Variants in ZNF385D observed in about 807,000 individuals in gnomAD.
The protein encoded by ZNF385D is zinc finger protein 385D.
ZNF385D carries 15 observed loss-of-function variants against 35.8 expected under a neutral mutation model. That is an observed-to-expected ratio of 0.42 (90% CI 0.28 to 0.64). ZNF385D has a LOEUF of 0.64. Ranked by LOEUF, ZNF385D falls within the 30% of genes least tolerant of loss-of-function variation. The pLI is 0.23. For missense variants in ZNF385D, 474 were observed against 494.6 expected (o/e 0.96, Z 0.39); for synonymous variants, 212 against 186.8 (o/e 1.13, Z -1.10).
At chr3:21,918,502 G>A (rs183740638) in intron 3 of ZNF385D, among the ~76,000 whole-genome samples, 1 of 152,060 alleles carries the variant, frequency 6.6e-6, no homozygotes, top group Non-Finnish European at 1.5e-5. Flanking sequence ...TGGTTCACCT[G>A]AATGATATAT....
chr3:21,649,102 T>G (rs1378310042), intron 2 of ZNF385D, among the ~76,000 whole-genome samples: 2 of 152,178 alleles, frequency 1.3e-5, no homozygotes, highest in Non-Finnish European at 2.9e-5. Context: ...CATTGTCAGC[T>G]TTACCTGTGG....
intron 2 of ZNF385D, among the ~76,000 whole-genome samples, chr3:21,659,381 T>A (rs2066167863): frequency 6.6e-6 from 1 of 152,128 alleles, no homozygotes; most frequent in Non-Finnish European, 1.5e-5. Flanking sequence ...ATCTATGTGT[T>A]TTCCTCAGCA....
intron 4 of ZNF385D, among the ~76,000 whole-genome samples, chr3:21,438,228 C>CT (rs766566387): frequency 6.6e-6 from 1 of 152,128 alleles, no homozygotes; most frequent in Non-Finnish European, 1.5e-5. Flanking sequence ...CCATATACTA[C>CT]TTTTTTGCCT....
At chr3:21,764,414 A>G (rs1192628521) in intron 3 of ZNF385D, among the ~76,000 whole-genome samples, 1 of 152,198 alleles carries the variant, frequency 6.6e-6, no homozygotes, top group African/African-American at 2.4e-5. Context: ...ACTAATAAGC[A>G]TCCAGTGGAA....
chr3:22,319,739 A>G (rs1694310573), intron 2 of ZNF385D, among the ~76,000 whole-genome samples: 1 of 152,186 alleles, frequency 6.6e-6, no homozygotes, highest in South Asian at 2.1e-4. Flanking sequence ...TCTACTTCAG[A>G]AAAACACTGG....
intron 1 of ZNF385D, among the ~76,000 whole-genome samples, chr3:21,719,409 A>G (rs1051731720): frequency 6.6e-6 from 1 of 152,254 alleles, no homozygotes; most frequent in Admixed American, 6.5e-5. Flanking sequence ...AGCCAACACA[A>G]TAAGCCTCAG....
intron 3 of ZNF385D, among the ~76,000 whole-genome samples, chr3:22,094,265 C>G (rs812397): frequency 0.28 from 41,534 of 149,664 alleles, 5,794 homozygotes; most frequent in South Asian, 0.37. Flanking sequence ...GTGAGTTCCT[C>G]AATACATGTA....
At chr3:22,348,538 C>CCTG (rs1695767069) in intron 2 of ZNF385D, among the ~76,000 whole-genome samples, 1 of 150,120 alleles carries the variant, frequency 6.7e-6, no homozygotes. Context: ...GTGGTGCATG[C>CCTG]CTGTAATCCC....
At chr3:21,861,176 T>G (rs1238046687) in intron 3 of ZNF385D, among the ~76,000 whole-genome samples, 1 of 152,156 alleles carries the variant, frequency 6.6e-6, no homozygotes, top group East Asian at 1.9e-4. Flanking sequence ...TCAGCTTTGG[T>G]GTATCTGGGA....
chr3:22,098,724 C>T (rs978159020), intron 3 of ZNF385D, among the ~76,000 whole-genome samples: 1 of 151,962 alleles, frequency 6.6e-6, no homozygotes, highest in Admixed American at 6.6e-5. Flanking sequence ...GAAAAATTCT[C>T]AACCTCCTTA....
intron 3 of ZNF385D, among the ~76,000 whole-genome samples, chr3:22,126,736 T>C (rs1248199239): frequency 6.6e-6 from 1 of 152,150 alleles, no homozygotes; most frequent in Non-Finnish European, 1.5e-5. Flanking sequence ...TATCTCTTTG[T>C]TGATTTTCTG....
At chr3:21,922,398 G>A (rs2125225363) in intron 3 of ZNF385D, among the ~76,000 whole-genome samples, 1 of 152,212 alleles carries the variant, frequency 6.6e-6, no homozygotes, top group African/African-American at 2.4e-5. Flanking sequence ...ATACTATAAA[G>A]CTACAACAAC....
chr3:21,830,450 A>C (rs1231844141), intron 3 of ZNF385D, among the ~76,000 whole-genome samples: 1 of 152,208 alleles, frequency 6.6e-6, no homozygotes, highest in Admixed American at 6.5e-5. Flanking sequence ...AACTCCTGCA[A>C]CCATCTTATT....
chr3:21,589,569 C>G (rs1017686181), intron 2 of ZNF385D, among the ~76,000 whole-genome samples: 1 of 152,030 alleles, frequency 6.6e-6, no homozygotes, highest in African/African-American at 2.4e-5. Flanking sequence ...AAACTAAGGA[C>G]ATTTGTTCAT....
chr3:22,023,837 G>A lies in ZNF385D; in HGVS notation c.325+144980C>T, dbSNP rs556085104. Reference sequence around the variant, plus strand: ...GGAAGAGTGCCCTGTACCTGGTACAGGGCTGTAGGATGAGGCAATGATGTT... The same window carrying A: ...GGAAGAGTGCCCTGTACCTGGTACAAGGCTGTAGGATGAGGCAATGATGTT... On this transcript the variant is annotated intron_variant, in intron 3 of 5. Coordinates refer to the ZNF385D transcript ENST00000494108. Among the ~76,000 whole-genome samples, 5 of 152,188 alleles carry A rather than the reference G, an allele frequency of 3.3e-5. No homozygotes were observed. The East Asian group carries it at 7.8e-4, about 24-fold the overall frequency.
At chr3:21,716,250 C>T (rs559461674) in intron 1 of ZNF385D, among the ~76,000 whole-genome samples, 10 of 152,164 alleles carry the variant, frequency 6.6e-5, no homozygotes, top group Non-Finnish European at 1.2e-4. Context: ...ATTCCCAACA[C>T]AGCAGCCACA....
At chr3:21,882,699 C>T (rs259554) in intron 3 of ZNF385D, among the ~76,000 whole-genome samples, 9 of 151,760 alleles carry the variant, frequency 5.9e-5, no homozygotes, top group Admixed American at 3.3e-4. Flanking sequence ...GCAATGCTCC[C>T]GATTCTCAAA....
chr3:21,514,339 C>G (rs577625184), intron 3 of ZNF385D, among the ~76,000 whole-genome samples: 1 of 152,204 alleles, frequency 6.6e-6, no homozygotes, highest in East Asian at 1.9e-4. Context: ...TATTTTAAAA[C>G]TAAAGCAGAA....
At chr3:21,960,893 G>A (rs1008287073) in intron 3 of ZNF385D, among the ~76,000 whole-genome samples, 1 of 152,112 alleles carries the variant, frequency 6.6e-6, no homozygotes, top group Non-Finnish European at 1.5e-5. Context: ...CTTGGAAGCA[G>A]AGTAGAATCG....
Sources: gnomAD v4.1 joint callset for allele counts (sites outside exome capture counted in the v4.1 genomes callset) on GRCh38, gnomAD v4.1.1 for gene constraint, MANE v1.5 for transcripts, NCBI Gene and HGNC (gene_info 2026-07-23, HGNC 2026-07-21) for gene names.